The following FAN1 variants were observed in gnomAD, a reference collection of about 807,000 sequenced individuals.
FAN1 encodes fanconi-associated nuclease 1.
In FAN1, 91 loss-of-function variants were observed where a neutral mutation model predicts 104.9. The ratio of observed to expected loss-of-function variants is 0.87; its 90% CI spans 0.73 to 1.03. FAN1 has a LOEUF of 1.03. Ranked by LOEUF, FAN1 falls within the 50% of genes least tolerant of loss-of-function variation. The pLI is 0.00. For synonymous variants in FAN1, 478 were observed against 457.6 expected, an observed-to-expected ratio of 1.04 and a Z score of -0.57; for missense variants, 1,263 against 1,239.9, an observed-to-expected ratio of 1.02 and a Z score of -0.28.
chr15:30,913,969 C>T lies in FAN1; in HGVS notation c.1689C>T (p.Ala563=), dbSNP rs558554134. The T allele has an allele frequency of 2.0e-5, 32 of 1,614,140 alleles. No homozygotes were observed. The highest frequency in any genetic ancestry group is 1.1e-4 in the South Asian group (10 of 91,084). The change falls in exon 5 of 15, where the codon GCC becomes GCT. Residue 563 remains alanine (A), a synonymous_variant. Coordinates refer to ENST00000362065, the MANE Select transcript of FAN1 (RefSeq NM_014967.5). ...CCGACTCAATGGAAGATGAAGACGC[C>T]GCTTGTGGAGGTCAGGGACAGCTTT... The part of the protein sequence containing the change: ...SLTDSMEDED[A]ACGGQGQLST...
At chr15:30,924,245 A>G (rs1172910397) in intron 8 of FAN1, among the ~76,000 whole-genome samples, 2 of 152,190 alleles carry the variant, frequency 1.3e-5, no homozygotes, top group African/African-American at 2.4e-5. Context: ...CTAGCCACTC[A>G]TTGGTTGATG....
At chr15:30,922,419 A>C in intron 8 of FAN1, 65 bp downstream of exon 8, 1 of 1,467,744 alleles carries the variant, frequency 6.8e-7, no homozygotes, top group Non-Finnish European at 9.3e-7. Context: ...AAAATATGGC[A>C]AACTTAATGC....
chr15:30,929,398 G>A lies in FAN1; in HGVS notation c.2787+1G>A. On this transcript the variant is annotated splice_donor_variant, in intron 12 of 14. Coordinates refer to ENST00000362065, the MANE Select transcript of FAN1 (RefSeq NM_014967.5). LOFTEE classifies it high-confidence loss of function. ...CTTCACGTCTCTTCAGCAAGCTCAG[G>A]TAATGGTTCACCTGCATGGCAGGAT... 6.3e-7 allele frequency: 1 copy of A among 1,596,758 alleles called. No individual in the cohort carries two copies.
intron 2 of FAN1, chr15:30,906,482 G>A (rs1039116426): frequency 2.2e-6 from 1 of 456,698 alleles, no homozygotes. Flanking sequence ...GCAGCCAGGG[G>A]TGGCTCCAAG....
intron 2 of FAN1, 140 bp downstream of exon 2, chr15:30,906,037 A>C (rs2061971998): frequency 1.3e-6 from 1 of 759,144 alleles, no homozygotes; most frequent in Admixed American, 2.5e-5. Flanking sequence ...TGTTCATGGG[A>C]GTTGGAGCAT....
In FAN1 at chr15:30,918,285, C is replaced by G. The variant is rs193193993; in HGVS notation, c.1933C>G (p.Pro645Ala). ...KRDWNRLKNH[P>A]SLRCHEDLPL... ...GGATTGGAACAGACTGAAAAACCAC[C>G]CTTCTCTGAGGTGAGAGTTTTTCTA... Residue 645 changes from proline to alanine, a missense_variant, in exon 6 of 15, where the codon CCT becomes GCT. By Grantham distance (27) the Pro-to-Ala change is conservative (BLOSUM62 -1). Coordinates refer to ENST00000362065, the MANE Select transcript of FAN1 (RefSeq NM_014967.5). 3 of 1,614,068 alleles carry G rather than the reference C, an allele frequency of 1.9e-6. No homozygotes were observed. The highest frequency in any genetic ancestry group is 2.5e-6 in the Non-Finnish European group (3 of 1,179,998).
Position 30,905,807 on chromosome 15 carries a change from G to A in FAN1, c.1144G>A (p.Val382Met). ...HPYYLRSFLVVLKTVLENEDD... is the reference protein window; with the variant it reads ...HPYYLRSFLVMLKTVLENEDD... ...TTACTACCTTCGGAGTTTCCTTGTG[G>A]TGCTGAAAACCGTACTTGAGAATGA... The change falls in exon 2 of 15, where the codon GTG (valine) becomes ATG (methionine). Residue 382 changes from valine to methionine, a missense_variant. Physicochemically the swap from Val to Met is conservative, Grantham distance 21. Transcript: ENST00000362065. The A allele has an allele frequency of 1.2e-6, 2 of 1,614,162 alleles. No homozygotes were observed. Among genetic ancestry groups the A allele is most frequent in the Non-Finnish European group, 1.7e-6 (2 of 1,180,018 alleles).
intron 4 of FAN1, among the ~76,000 whole-genome samples, chr15:30,913,140 C>T (rs1165676621): frequency 6.6e-6 from 1 of 152,210 alleles, no homozygotes; most frequent in Admixed American, 6.5e-5. Flanking sequence ...TGCCAGAGAG[C>T]ATGACCGCCT....
At chr15:30,922,375 T>C in intron 8 of FAN1, 21 bp downstream of exon 8, 2 of 1,580,948 alleles carry the variant, frequency 1.3e-6, no homozygotes, top group Non-Finnish European at 1.7e-6. Context: ...ACAAAACATA[T>C]CTGAAACACC....
chr15:30,920,302 G>A (rs1185648280), intron 6 of FAN1, among the ~76,000 whole-genome samples: 5 of 152,174 alleles, frequency 3.3e-5, no homozygotes, highest in African/African-American at 4.8e-5. Context: ...GCTGTGGGCC[G>A]GAGTTTGCTG....
chr15:30,934,909 T>G (rs1027566757), intron 13 of FAN1, among the ~76,000 whole-genome samples: 2 of 152,236 alleles, frequency 1.3e-5, no homozygotes, highest in African/African-American at 4.8e-5. Context: ...TATAACATAT[T>G]ATTTTTGCTT....
chr15:30,929,805 A>AT (rs1566930435), intron 12 of FAN1, among the ~76,000 whole-genome samples: 1 of 72,406 alleles, frequency 1.4e-5, no homozygotes, highest in African/African-American at 7.3e-5. Flanking sequence ...ATAATATATA[A>AT]AATATATAAT....
intron 10 of FAN1, 90 bp from the exon 11 acceptor site, chr15:30,928,463 G>C: frequency 1.3e-6 from 2 of 1,555,466 alleles, no homozygotes; most frequent in South Asian, 2.4e-5. Flanking sequence ...TGAGTGTGCA[G>C]TAGGTTATGG....
At chr15:30,913,494 TTAATC>T (rs1366649026) in intron 4 of FAN1, among the ~76,000 whole-genome samples, 1 of 152,208 alleles carries the variant, frequency 6.6e-6, no homozygotes, top group African/African-American at 2.4e-5. Context: ...ATACCATTAT[TTAATC>T]TAAATCATCA....
intron 5 of FAN1, among the ~76,000 whole-genome samples, chr15:30,916,536 T>C (rs943936313): frequency 1.3e-5 from 2 of 152,236 alleles, no homozygotes; most frequent in African/African-American, 4.8e-5. Context: ...ACTCCCTTGG[T>C]TAAGCAGAGA....
chr15:30,922,219 GTTA>G lies in FAN1; in HGVS notation c.2053-13_2053-11del, dbSNP rs200060110. ...TTTGTGAATCTAATGAGGTTTCTTTGTTATTGTTGCAATAGGAAGCCGTCAGAG... is the reference window on the plus strand; with the variant it reads ...TTTGTGAATCTAATGAGGTTTCTTTGTTGTTGCAATAGGAAGCCGTCAGAG... On this transcript the variant is annotated splice_polypyrimidine_tract_variant and intron_variant, in intron 7 of 14. Coordinates refer to ENST00000362065, the MANE Select transcript of FAN1 (RefSeq NM_014967.5). 2,839 of 1,601,790 alleles carry G rather than the reference GTTA, an allele frequency of 1.8e-3. 48 individuals carry two copies. In the African/African-American group the frequency reaches 0.032, roughly 18 times the overall value.
At chr15:30,911,126 A>T in intron 4 of FAN1, 1 of 1,108,402 alleles carries the variant, frequency 9.0e-7, no homozygotes, top group Non-Finnish European at 1.1e-6. Flanking sequence ...TTTAAGGTAA[A>T]CTATTTAGTC....
chr15:30,905,296 A>C lies in FAN1; in HGVS notation c.633A>C (p.Gln211His), dbSNP rs1414181413. 6 of 1,614,092 alleles carry C rather than the reference A, an allele frequency of 3.7e-6. No individual in the cohort carries two copies. The highest frequency in any genetic ancestry group is 4.2e-6 in the Non-Finnish European group (5 of 1,180,016). ...DEDQILENSS[Q>H]KENVFKCDSL... ...ATCAAATTTTGGAGAACAGTTCTCA[A>C]AAAGAAAACGTGTTTAAATGTGATT... Residue 211 changes from glutamine (Q) to histidine (H), a missense_variant, in exon 2 of 15, where the codon CAA becomes CAC. By Grantham distance (24) the Gln-to-His change is conservative. This residue lies in a region of FAN1 where 682 missense variants were observed against 571.1 expected (regional missense o/e 1.19). Coordinates refer to ENST00000362065, the MANE Select transcript of FAN1 (RefSeq NM_014967.5).
rs747840189 is a variant in FAN1, at chr15:30,905,265, A to G, written c.602A>G (p.Asp201Gly). The G allele has an allele frequency of 2.4e-5, 39 of 1,613,978 alleles. No homozygotes were observed. The highest frequency in any genetic ancestry group is 3.2e-5 in the Non-Finnish European group (38 of 1,180,038). ...SLIDNSSEIE[D>G]EDQILENSSQ... ...ATTGATAACTCTTCAGAAATTGAGG[A>G]CGAGGATCAAATTTTGGAGAACAGT... The change falls in exon 2 of 15, where the codon GAC becomes GGC. Residue 201 changes from aspartate to glycine, a missense_variant. Physicochemically the swap from Asp to Gly is moderately conservative, Grantham distance 94. Transcript: ENST00000362065.
Sources: allele counts gnomAD v4.1 joint callset (sites outside exome capture counted in the v4.1 genomes callset), GRCh38; gene constraint gnomAD v4.1.1; regional missense constraint gnomAD v4.1.1; transcripts MANE v1.5; gene names NCBI Gene and HGNC (gene_info 2026-07-23, HGNC 2026-07-21).